Variants in ORC4 observed in about 807,000 individuals in gnomAD.
ORC4 encodes the protein origin recognition complex subunit 4, also known as origin recognition complex, subunit 4 homolog.
A neutral mutation model predicts 63.9 loss-of-function variants in ORC4; 55 were observed. The ratio of observed to expected loss-of-function variants is 0.86; its 90% CI spans 0.69 to 1.08. The LOEUF (loss-of-function observed/expected upper bound fraction) is 1.08, where lower values mean the gene tolerates loss of function less well. Ranked by LOEUF, ORC4 falls within the 50% of genes least tolerant of loss-of-function variation. The pLI is 0.00. For synonymous variants in ORC4, 150 were observed against 168.5 expected (o/e 0.89, Z 0.85); for missense variants, 511 against 504.4 (o/e 1.01, Z -0.13).
intron 8 of ORC4, among the ~76,000 whole-genome samples, chr2:147,951,155 T>C (rs1688938622): frequency 6.6e-6 from 1 of 152,082 alleles, no homozygotes; most frequent in Admixed American, 6.6e-5. Context: ...AGGAGGACTG[T>C]TGAAATATGA....
At chr2:148,015,326 T>G (rs1267792039) in intron 1 of ORC4, among the ~76,000 whole-genome samples, 2 of 144,284 alleles carry the variant, frequency 1.4e-5, no homozygotes, top group East Asian at 2.0e-4. Flanking sequence ...TTTTTTTTTT[T>G]TTTTTTGAGA....
chr2:147,955,398 GAAC>G lies in ORC4; in HGVS notation c.388-6_388-4del, dbSNP rs1558839943. The G allele has an allele frequency of 6.3e-7, 1 of 1,599,274 alleles. No homozygotes were observed. On this transcript the variant is annotated splice_polypyrimidine_tract_variant and splice_region_variant and intron_variant, in intron 6 of 13. Coordinates refer to ENST00000392857, the MANE Select transcript of ORC4 (RefSeq NM_181741.4). The stretch of plus-strand genomic sequence containing the variant: ...GAAAGGTTTTCAGCAAAGCTTCCCT[GAAC>G]AACAAAATGAGATAAAATGATTAAA...
At chr2:147,978,861 C>A (rs955423437) in intron 1 of ORC4, among the ~76,000 whole-genome samples, 1 of 152,160 alleles carries the variant, frequency 6.6e-6, no homozygotes, top group Non-Finnish European at 1.5e-5. Flanking sequence ...ACAAAAATCA[C>A]ATGACTGACT....
chr2:147,934,520 A>G lies in ORC4; in HGVS notation c.*990T>C, dbSNP rs1687939772. ...TCTCTGGTAGTCACGTCACTTCATGATGGGGCTACGTTCTGAGAAATGTGT... is the reference window on the plus strand; with the variant it reads ...TCTCTGGTAGTCACGTCACTTCATGGTGGGGCTACGTTCTGAGAAATGTGT... On this transcript the variant is annotated 3_prime_UTR_variant, in exon 14 of 14. Coordinates refer to ENST00000392857, the MANE Select transcript of ORC4 (RefSeq NM_181741.4). 6.6e-6 allele frequency: 1 copy of G among 152,076 alleles called. No individual in the cohort carries two copies. The highest frequency in any genetic ancestry group is 1.5e-5 in the Non-Finnish European group (1 of 68,008). The allele number at this position is 152,076 out of a possible 1,614,324, so 9.4% of individuals were successfully genotyped here.
chr2:147,961,947 G>A lies in ORC4; in HGVS notation c.226-3081C>T, dbSNP rs1689618285. On this transcript the variant is annotated intron_variant, in intron 4 of 13. Coordinates refer to ENST00000392857, the MANE Select transcript of ORC4 (RefSeq NM_181741.4). ...CAGATTTAAAATATTAAGCAAGATG[G>A]CTGATTAGAGACTCCTGGTGCTCGT... Among the ~76,000 whole-genome samples the A allele has an allele frequency of 1.3e-5, 2 of 152,134 alleles. 1 individual carries two copies. Among genetic ancestry groups the A allele is most frequent in the South Asian group, 4.1e-4 (2 of 4,828 alleles).
chr2:147,993,995 C>T (rs1691784485), intron 1 of ORC4, among the ~76,000 whole-genome samples: 1 of 152,088 alleles, frequency 6.6e-6, no homozygotes, highest in Non-Finnish European at 1.5e-5. Context: ...AACTAATAAA[C>T]TACTGTAGAA....
intron 7 of ORC4, among the ~76,000 whole-genome samples, chr2:147,953,656 T>C (rs953492755): frequency 2.6e-5 from 4 of 152,178 alleles, no homozygotes; most frequent in Non-Finnish European, 5.9e-5. Flanking sequence ...GAAGCACAAC[T>C]TTTAGCATTT....
Position 147,952,064 on chromosome 2 carries a change from T to C in ORC4, c.588+309A>G, listed in dbSNP as rs1688986521. Among the ~76,000 whole-genome samples the C allele has an allele frequency of 4.6e-5, 7 of 152,346 alleles. 1 individual carries two copies. The highest frequency in any genetic ancestry group is 1.7e-4 in the African/African-American group (7 of 41,580). On this transcript the variant is annotated intron_variant, in intron 8 of 13. Coordinates refer to ENST00000392857, the MANE Select transcript of ORC4 (RefSeq NM_181741.4). ...AAATAAAAACTATTACCAAGTTTTC[T>C]CAAATATTGGTGAGATTTAACCGCC...
intron 1 of ORC4, among the ~76,000 whole-genome samples, chr2:147,984,741 T>G (rs561305046): frequency 3.3e-5 from 5 of 152,244 alleles, no homozygotes; most frequent in Non-Finnish European, 7.3e-5. Context: ...CCTATGTGCA[T>G]TTCCCCATGA....
chr2:147,975,648 A>G (rs1167683346), intron 2 of ORC4, among the ~76,000 whole-genome samples: 3 of 152,216 alleles, frequency 2.0e-5, no homozygotes, highest in Admixed American at 1.3e-4. Context: ...AAAAGGGCAG[A>G]GAACAATCAT....
chr2:147,944,795 GAAGT>G (rs1688567525), intron 9 of ORC4, among the ~76,000 whole-genome samples: 1 of 151,412 alleles, frequency 6.6e-6, no homozygotes, highest in Admixed American at 6.6e-5. Flanking sequence ...ACCAGATTCA[GAAGT>G]AAGTTCTAGT....
chr2:147,954,753 T>C (rs1027619553), intron 7 of ORC4, among the ~76,000 whole-genome samples: 1 of 152,164 alleles, frequency 6.6e-6, no homozygotes, highest in Non-Finnish European at 1.5e-5. Context: ...AACTAAGAGC[T>C]GAAAGTTTTT....
intron 3 of ORC4, among the ~76,000 whole-genome samples, chr2:147,973,176 T>A (rs1420785458): frequency 6.6e-6 from 1 of 151,862 alleles, no homozygotes; most frequent in Non-Finnish European, 1.5e-5. Flanking sequence ...GGCTGCTGGG[T>A]ATTAAGGGCA....
chr2:147,937,018 CAA>C (rs1199760938), intron 13 of ORC4: 880 of 85,216 alleles, frequency 0.01, 5 homozygotes, highest in African/African-American at 0.037. Flanking sequence ...GACTCCATCT[CAA>C]AAAAAAAAAA....
chr2:147,960,823 A>C (rs1689547528), intron 4 of ORC4, among the ~76,000 whole-genome samples: 1 of 152,196 alleles, frequency 6.6e-6, no homozygotes, highest in Non-Finnish European at 1.5e-5. Context: ...CAGGAGGTTG[A>C]GGCTTTAGTG....
At chr2:148,015,676 T>A (rs1042223900) in intron 1 of ORC4, among the ~76,000 whole-genome samples, 6 of 117,686 alleles carry the variant, frequency 5.1e-5, no homozygotes, top group African/African-American at 2.7e-4. Flanking sequence ...ATTTCTTGCT[T>A]TTTTTTTTTG....
Position 147,952,409 on chromosome 2 carries a change from C to T in ORC4, c.552G>A (p.Gln184=). ...TAAGACCAATAACTGCTATTGGGGT[C>T]TGTGCAGACTGAGAAATGTCAAAAA... ...YNLFDISQSA[Q]TPIAVIGLTC... Residue 184 remains glutamine, a synonymous_variant, in exon 8 of 14, where the codon CAG becomes CAA. Transcript: ENST00000392857. The T allele has an allele frequency of 6.2e-7, 1 of 1,609,974 alleles. No homozygotes were observed. The highest frequency in any genetic ancestry group is 8.5e-7 in the Non-Finnish European group (1 of 1,176,452).
intron 1 of ORC4, among the ~76,000 whole-genome samples, chr2:148,010,413 G>A (rs1477391628): frequency 6.6e-6 from 1 of 151,340 alleles, no homozygotes; most frequent in Non-Finnish European, 1.5e-5. Context: ...AAATGAAAAG[G>A]GTTGTTTGGA....
chr2:147,938,703 T>C (rs913805175), intron 11 of ORC4: 2 of 357,024 alleles, frequency 5.6e-6, no homozygotes, highest in East Asian at 6.5e-5. Context: ...TCAATTGTTA[T>C]GTGACTTTAA....
Sources: allele counts gnomAD v4.1 joint callset (sites outside exome capture counted in the v4.1 genomes callset), GRCh38; gene constraint gnomAD v4.1.1; transcripts MANE v1.5; gene names NCBI Gene and HGNC (gene_info 2026-07-23, HGNC 2026-07-21).